TGFBR3: variants seen among roughly 807,000 people sequenced by gnomAD.
TGFBR3 encodes the protein transforming growth factor beta receptor type 3.
A neutral mutation model predicts 87.9 loss-of-function variants in TGFBR3; 46 were observed. The observed-to-expected ratio is 0.52, with a 90% confidence interval of 0.41 to 0.67. TGFBR3 has a LOEUF of 0.67. Among genes scored for constraint, TGFBR3 ranks in the 30% least tolerant of loss-of-function variants. TGFBR3 has a pLI of 0.00. For missense variants in TGFBR3, 866 were observed against 1,041.9 expected, an observed-to-expected ratio of 0.83 and a Z score of 2.32; for synonymous variants, 381 against 391.6, an observed-to-expected ratio of 0.97 and a Z score of 0.32.
chr1:91,889,105 G>A (rs1679392926), upstream of TGFBR3, among the ~76,000 whole-genome samples: 1 of 152,014 alleles, frequency 6.6e-6, no homozygotes, highest in African/African-American at 2.4e-5. Context: ...GGCTGCTCTC[G>A]AACTCCTGAC....
chr1:91,759,710 C>T (rs1241835559), intron 3 of TGFBR3, among the ~76,000 whole-genome samples: 1 of 152,158 alleles, frequency 6.6e-6, no homozygotes, highest in Non-Finnish European at 1.5e-5. Context: ...ACAGAGTGAA[C>T]TCATCAAACA....
At chr1:91,754,409 A>T (rs1557693609) in intron 4 of TGFBR3, among the ~76,000 whole-genome samples, 1 of 152,168 alleles carries the variant, frequency 6.6e-6, no homozygotes, top group Non-Finnish European at 1.5e-5. Flanking sequence ...TGGGCCACCC[A>T]TACACCCTGC....
At chr1:91,700,757 C>T (rs1358327790) in intron 14 of TGFBR3, among the ~76,000 whole-genome samples, 1 of 152,154 alleles carries the variant, frequency 6.6e-6, no homozygotes, top group Non-Finnish European at 1.5e-5. Flanking sequence ...AACAATGATG[C>T]CTTACATTTG....
chr1:91,710,309 T>C (rs535787031), intron 13 of TGFBR3, among the ~76,000 whole-genome samples: 1 of 152,334 alleles, frequency 6.6e-6, no homozygotes, highest in African/African-American at 2.4e-5. Context: ...AAGAGCCCTC[T>C]TGTAAAGAAA....
chr1:91,874,828 C>T (rs1678720861), intron 1 of TGFBR3, among the ~76,000 whole-genome samples: 1 of 152,108 alleles, frequency 6.6e-6, no homozygotes, highest in Non-Finnish European at 1.5e-5. Flanking sequence ...AGGAATCTGA[C>T]TTAGGTTTTA....
chr1:91,708,590 GATTTACACT>G, intron 14 of TGFBR3, 64 bp downstream of exon 14: 1 of 1,608,446 alleles, frequency 6.2e-7, no homozygotes, highest in Non-Finnish European at 8.5e-7. Flanking sequence ...GCTGGACTTT[GATTTACACT>G]ATTGGGTCTT....
chr1:91,698,798 C>G (rs17882253), intron 14 of TGFBR3, among the ~76,000 whole-genome samples: 1 of 152,304 alleles, frequency 6.6e-6, no homozygotes, highest in Non-Finnish European at 1.5e-5. Context: ...CGAGCCACTG[C>G]GCCCAGCCTT....
rs78205714 is a variant in TGFBR3 at position 91,763,828 on chromosome 1, A to C, written c.247-5078T>G. Among the ~76,000 whole-genome samples, 1,476 of 152,278 alleles carry C rather than the reference A, an allele frequency of 9.7e-3. 27 individuals carry two copies. The highest frequency in any genetic ancestry group is 0.034 in the African/African-American group (1,392 of 41,540). On this transcript the variant is annotated intron_variant, in intron 3 of 16. Coordinates refer to ENST00000212355, the MANE Select transcript of TGFBR3 (RefSeq NM_003243.5). Reference sequence around the variant, plus strand: ...GCAACTGACTGCTAGGGGTGGGAACAGTATTTACTTAGTTGCTGCTGCAGT... The same window carrying C: ...GCAACTGACTGCTAGGGGTGGGAACCGTATTTACTTAGTTGCTGCTGCAGT...
chr1:91,836,826 G>A (rs1677085825), intron 2 of TGFBR3, among the ~76,000 whole-genome samples: 1 of 151,974 alleles, frequency 6.6e-6, no homozygotes, highest in South Asian at 2.1e-4. Context: ...ACACATACAC[G>A]CTGCATTAGA....
At chr1:91,888,531 C>T (rs1033047496), upstream of TGFBR3, among the ~76,000 whole-genome samples, 4 of 151,978 alleles carry the variant, frequency 2.6e-5, no homozygotes, top group African/African-American at 9.7e-5. Context: ...GGTGAAACCC[C>T]ATCTCAACTA....
chr1:91,718,326 A>C (rs1267314456), intron 10 of TGFBR3, among the ~76,000 whole-genome samples: 1 of 152,174 alleles, frequency 6.6e-6, no homozygotes, highest in Non-Finnish European at 1.5e-5. Flanking sequence ...GCTTGGGTTC[A>C]TGGGAGAGTC....
intron 16 of TGFBR3, 21 bp from the exon 17 acceptor site, chr1:91,683,878 G>T: frequency 1.3e-6 from 2 of 1,571,464 alleles, no homozygotes; most frequent in Non-Finnish European, 8.7e-7. Flanking sequence ...TAAAGAAAAG[G>T]CAGAGTCAGA....
chr1:91,693,331 C>T (rs961218514), intron 16 of TGFBR3, among the ~76,000 whole-genome samples: 3 of 152,164 alleles, frequency 2.0e-5, no homozygotes, highest in African/African-American at 7.2e-5. Context: ...ATTCATTTTG[C>T]TGGAAAGCAT....
chr1:91,865,928 A>G (rs914445619), intron 1 of TGFBR3, among the ~76,000 whole-genome samples: 7 of 151,988 alleles, frequency 4.6e-5, no homozygotes, highest in African/African-American at 1.7e-4. Context: ...AAAAAAAAAA[A>G]AAGAAAATTC....
At chr1:91,845,291 C>G (rs1423038790) in intron 2 of TGFBR3, among the ~76,000 whole-genome samples, 1 of 152,154 alleles carries the variant, frequency 6.6e-6, no homozygotes, top group Non-Finnish European at 1.5e-5. Context: ...ACATGTTGCT[C>G]AAGCCCAAAA....
chr1:91,842,757 G>A (rs1677335467), intron 2 of TGFBR3, among the ~76,000 whole-genome samples: 1 of 152,116 alleles, frequency 6.6e-6, no homozygotes, highest in Non-Finnish European at 1.5e-5. Context: ...ACTACTATGT[G>A]CCATAAACTT....
chr1:91,701,569 C>T (rs762079558), intron 14 of TGFBR3, among the ~76,000 whole-genome samples: 11 of 152,124 alleles, frequency 7.2e-5, no homozygotes, highest in Non-Finnish European at 1.5e-4. Context: ...TTTTCATATA[C>T]GCTGAGCAAA....
chr1:91,883,769 C>G (rs1264094275), intron 1 of TGFBR3, among the ~76,000 whole-genome samples: 1 of 149,164 alleles, frequency 6.7e-6, no homozygotes, highest in Non-Finnish European at 1.5e-5. Context: ...AAATGTCAAA[C>G]TGAAGGGCCA....
chr1:91,813,669 C>T (rs372385698), intron 2 of TGFBR3, among the ~76,000 whole-genome samples: 1 of 152,182 alleles, frequency 6.6e-6, no homozygotes, highest in African/African-American at 2.4e-5. Context: ...AATGATCTAC[C>T]ATGAACCACA....
Sources: allele counts gnomAD v4.1 joint callset (sites outside exome capture counted in the v4.1 genomes callset), GRCh38; gene constraint gnomAD v4.1.1; transcripts MANE v1.5; gene names NCBI Gene and HGNC (gene_info 2026-07-23, HGNC 2026-07-21).